CHCHD6: variants seen among roughly 807,000 people sequenced by gnomAD.
The protein encoded by CHCHD6 is MICOS complex subunit MIC25.
CHCHD6 carries 28 observed loss-of-function variants against 32.3 expected under a neutral mutation model. The ratio of observed to expected loss-of-function variants is 0.87; its 90% CI spans 0.64 to 1.19. The LOEUF (loss-of-function observed/expected upper bound fraction) is 1.19. CHCHD6 is among the 50% of genes most tolerant of loss of function. The pLI is 0.00. For synonymous variants in CHCHD6, 122 were observed against 117.5 expected, an observed-to-expected ratio of 1.04 and a Z score of -0.25; for missense variants, 333 against 307.0, an observed-to-expected ratio of 1.08 and a Z score of -0.63.
chr3:126,788,882 C>G (rs1938373419), intron 4 of CHCHD6, among the ~76,000 whole-genome samples: 1 of 152,068 alleles, frequency 6.6e-6, no homozygotes, highest in Non-Finnish European at 1.5e-5. Context: ...TGTGTTTGCT[C>G]TTGCTTCTCT....
At chr3:126,884,902 G>A (rs1361931152) in intron 5 of CHCHD6, among the ~76,000 whole-genome samples, 2 of 152,190 alleles carry the variant, frequency 1.3e-5, no homozygotes, top group Admixed American at 1.3e-4. Flanking sequence ...GACTGCCGAC[G>A]TGTTGTTGGG....
At chr3:126,787,954 C>T (rs1208220941) in intron 4 of CHCHD6, among the ~76,000 whole-genome samples, 2 of 152,160 alleles carry the variant, frequency 1.3e-5, no homozygotes, top group Admixed American at 6.5e-5. Flanking sequence ...ATGATATTGG[C>T]TGTGGGTTTG....
chr3:126,720,326 C>T (rs747157247), intron 1 of CHCHD6, among the ~76,000 whole-genome samples: 2 of 152,182 alleles, frequency 1.3e-5, no homozygotes, highest in African/African-American at 2.4e-5. Context: ...ACATAGATCC[C>T]AGGACCCCTG....
At chr3:126,838,723 C>T (rs1361378623) in intron 4 of CHCHD6, among the ~76,000 whole-genome samples, 6 of 152,122 alleles carry the variant, frequency 3.9e-5, no homozygotes. Context: ...ACCCTTATGG[C>T]AGCCCTATGA....
chr3:126,870,447 C>T (rs1484910312), intron 5 of CHCHD6, among the ~76,000 whole-genome samples: 2 of 152,190 alleles, frequency 1.3e-5, no homozygotes, highest in African/African-American at 4.8e-5. Context: ...ACCGTTCTCC[C>T]AGTTCTTTCA....
At chr3:126,911,512 G>A (rs996606579) in intron 5 of CHCHD6, among the ~76,000 whole-genome samples, 2 of 152,212 alleles carry the variant, frequency 1.3e-5, no homozygotes, top group Non-Finnish European at 2.9e-5. Context: ...GAGGACATCC[G>A]TCCCTGTAGG....
In CHCHD6 at chr3:126,855,415, T is replaced by C. The variant is rs563506161; in HGVS notation, c.495+2685T>C. Among the ~76,000 whole-genome samples the C allele has an allele frequency of 2.0e-5, 3 of 152,326 alleles. No homozygotes were observed. In the South Asian group the frequency reaches 6.2e-4, roughly 32 times the overall value. On this transcript the variant is annotated intron_variant, in intron 5 of 7. Coordinates refer to ENST00000290913, the MANE Select transcript of CHCHD6 (RefSeq NM_032343.3). The stretch of plus-strand genomic sequence containing the variant: ...AGGGAAATAACACCTGTAAAAGTGT[T>C]GGTGCGTGCTGGGCGCCTGGCAAGT...
At chr3:126,879,338 T>C (rs2077578745) in intron 5 of CHCHD6, among the ~76,000 whole-genome samples, 1 of 152,202 alleles carries the variant, frequency 6.6e-6, no homozygotes, top group African/African-American at 2.4e-5. Context: ...CTGGAAAATA[T>C]CTGCCATGGG....
chr3:126,948,169 G>A (rs555103728), intron 6 of CHCHD6, among the ~76,000 whole-genome samples: 38 of 152,360 alleles, frequency 2.5e-4, no homozygotes, highest in African/African-American at 8.9e-4. Flanking sequence ...CAGCATGCCT[G>A]ATGACATGGG....
intron 4 of CHCHD6, 117 bp downstream of exon 4, chr3:126,733,339 A>T (rs907405826): frequency 4.1e-6 from 4 of 970,992 alleles, no homozygotes; most frequent in Non-Finnish European, 6.2e-6. Flanking sequence ...TGCCCCTGGG[A>T]TGTGCTCGGC....
At chr3:126,842,345 A>C (rs1040419222) in intron 4 of CHCHD6, among the ~76,000 whole-genome samples, 1 of 152,224 alleles carries the variant, frequency 6.6e-6, no homozygotes, top group Non-Finnish European at 1.5e-5. Context: ...TCTGCCTTTT[A>C]TCAAAATACT....
chr3:126,884,931 G>GGT (rs2077659270), intron 5 of CHCHD6, among the ~76,000 whole-genome samples: 1 of 152,184 alleles, frequency 6.6e-6, no homozygotes, highest in South Asian at 2.1e-4. Flanking sequence ...CATTTGTGCC[G>GGT]GTGGAGGTTC....
chr3:126,776,634 A>G (rs934843330), intron 4 of CHCHD6, among the ~76,000 whole-genome samples: 1 of 152,252 alleles, frequency 6.6e-6, no homozygotes, highest in Non-Finnish European at 1.5e-5. Context: ...TGATAGCAAC[A>G]ACAGCAATCA....
intron 4 of CHCHD6, among the ~76,000 whole-genome samples, chr3:126,791,312 A>C (rs1443891953): frequency 6.6e-6 from 1 of 152,222 alleles, no homozygotes; most frequent in Non-Finnish European, 1.5e-5. Context: ...CTCAGATCTC[A>C]GACTCCGTGC....
chr3:126,889,624 C>A (rs2077727785), intron 5 of CHCHD6, among the ~76,000 whole-genome samples: 1 of 152,228 alleles, frequency 6.6e-6, no homozygotes, highest in South Asian at 2.1e-4. Flanking sequence ...CACCTGGGCC[C>A]CCATGTTCCT....
intron 4 of CHCHD6, among the ~76,000 whole-genome samples, chr3:126,745,439 A>G (rs1315925246): frequency 6.6e-6 from 1 of 152,244 alleles, no homozygotes; most frequent in Non-Finnish European, 1.5e-5. Flanking sequence ...AGCCTTCAGC[A>G]CATGGTCTGG....
chr3:126,794,728 T>TG (rs1445840861), intron 4 of CHCHD6, among the ~76,000 whole-genome samples: 1 of 152,200 alleles, frequency 6.6e-6, no homozygotes, highest in Non-Finnish European at 1.5e-5. Flanking sequence ...TATCTGGTAT[T>TG]GCCAGCTCTT....
At chr3:126,802,666 C>G (rs1281867344) in intron 4 of CHCHD6, among the ~76,000 whole-genome samples, 2 of 152,138 alleles carry the variant, frequency 1.3e-5, no homozygotes, top group African/African-American at 4.8e-5. Context: ...GAGAGCTTCC[C>G]CAATCTAGCC....
intron 4 of CHCHD6, among the ~76,000 whole-genome samples, chr3:126,775,185 C>G (rs1937614103): frequency 6.6e-6 from 1 of 152,168 alleles, no homozygotes; most frequent in Non-Finnish European, 1.5e-5. Flanking sequence ...ATCAGATTTT[C>G]CTCCATAAGA....
Sources: gnomAD v4.1 joint callset for allele counts (sites outside exome capture counted in the v4.1 genomes callset) on GRCh38, gnomAD v4.1.1 for gene constraint, MANE v1.5 for transcripts, NCBI Gene and HGNC (gene_info 2026-07-23, HGNC 2026-07-21) for gene names.